The following SOS1 variants were observed in gnomAD, a reference collection of about 807,000 sequenced individuals.
SOS1 encodes the protein SOS Ras/Rac guanine nucleotide exchange factor 1.
Under a neutral mutation model 157.6 loss-of-function variants are expected in SOS1, and 25 were observed. The ratio of observed to expected loss-of-function variants is 0.16; its 90% confidence interval spans 0.12 to 0.22. The LOEUF (loss-of-function observed/expected upper bound fraction) is 0.22. Ranked by LOEUF, SOS1 falls within the 10% of genes least tolerant of loss-of-function variation. The probability of loss-of-function intolerance (pLI) is 1.00; values close to 1 mark genes in which losing one functional copy is unlikely to be tolerated. For missense variants in SOS1, 1,237 were observed against 1,599.1 expected (o/e 0.77, Z 3.86); for synonymous variants, 528 against 534.0 (o/e 0.99, Z 0.16).
intron 21 of SOS1, among the ~76,000 whole-genome samples, chr2:38,988,691 G>GAAAAATA (rs1456393899): frequency 3.9e-5 from 6 of 152,074 alleles, no homozygotes; most frequent in African/African-American, 1.2e-4. Flanking sequence ...TGAAAGGACA[G>GAAAAATA]CAAAAAAATA....
chr2:39,033,373 G>A (rs1670235026), intron 8 of SOS1, among the ~76,000 whole-genome samples: 1 of 152,142 alleles, frequency 6.6e-6, no homozygotes, highest in Non-Finnish European at 1.5e-5. Flanking sequence ...ATTGCTAAAT[G>A]ATGCACTTAT....
chr2:39,035,322 A>C lies in SOS1; in HGVS notation c.976-12T>G, dbSNP rs1383564194. ...CCTTCGCCTATTGACTGGAAAAAAA[A>C]GTGATTTAATTTTTTTTTTAAGTTT... On this transcript the variant is annotated splice_polypyrimidine_tract_variant and intron_variant, in intron 7 of 22. Transcript: ENST00000402219. 6.2e-7 allele frequency: 1 copy of C among 1,611,362 alleles called. No individual in the cohort carries two copies. Among genetic ancestry groups the C allele is most frequent in the South Asian group, 1.1e-5 (1 of 91,008 alleles).
At chr2:38,992,993 T>C (rs910488268) in intron 20 of SOS1, 2 of 151,840 alleles carry the variant, frequency 1.3e-5, no homozygotes, top group African/African-American at 2.4e-5. Context: ...CCCAGCACTT[T>C]GGAAGGTTAA....
At chr2:39,124,413 G>T (rs1430325196), upstream of SOS1, 1 of 152,274 alleles carries the variant, frequency 6.6e-6, no homozygotes, top group Non-Finnish European at 1.5e-5. Flanking sequence ...GCGCGTCCGG[G>T]CGGAATAGGC....
At chr2:39,026,100 T>A (rs1004354517) in intron 8 of SOS1, among the ~76,000 whole-genome samples, 2 of 152,144 alleles carry the variant, frequency 1.3e-5, no homozygotes, top group Non-Finnish European at 2.9e-5. Flanking sequence ...TTCATGCCTG[T>A]AATCCCAGCA....
chr2:39,087,471 T>C (rs529726826), intron 1 of SOS1, among the ~76,000 whole-genome samples: 2 of 152,218 alleles, frequency 1.3e-5, no homozygotes, highest in Non-Finnish European at 2.9e-5. Context: ...ATATTTACAA[T>C]GGCCTGAATA....
chr2:39,077,044 T>C (rs1204695334), intron 1 of SOS1, among the ~76,000 whole-genome samples: 2 of 152,136 alleles, frequency 1.3e-5, no homozygotes, highest in Admixed American at 6.6e-5. Context: ...TTATAAAATG[T>C]GTATAAAACC....
intron 1 of SOS1, among the ~76,000 whole-genome samples, chr2:39,113,036 C>CA (rs543968368): frequency 0.016 from 2,057 of 131,474 alleles, 23 homozygotes; most frequent in Middle Eastern, 0.023. Context: ...GACTCTGTCT[C>CA]AAAAAAAAAA....
chr2:39,096,879 C>T (rs1170503472), intron 1 of SOS1, among the ~76,000 whole-genome samples: 4 of 150,624 alleles, frequency 2.7e-5, no homozygotes, highest in South Asian at 4.2e-4. Flanking sequence ...GAGCGAGACT[C>T]CATCTCAAAA....
intron 1 of SOS1, among the ~76,000 whole-genome samples, chr2:39,098,890 A>G (rs1672868267): frequency 6.6e-6 from 1 of 151,626 alleles, no homozygotes; most frequent in Non-Finnish European, 1.5e-5. Context: ...CCACACCTCA[A>G]AAAAAAAATA....
chr2:39,032,443 A>G lies in SOS1; in HGVS notation c.1074+2769T>C, dbSNP rs529187456. On this transcript the variant is annotated intron_variant, in intron 8 of 22. Coordinates refer to ENST00000402219, the MANE Select transcript of SOS1 (RefSeq NM_005633.4). Reference sequence around the variant, plus strand: ...GTAATTATATAAAATTTACAGTTAAACTTTCTTTAAAATATAAGACATAAG... The same window carrying G: ...GTAATTATATAAAATTTACAGTTAAGCTTTCTTTAAAATATAAGACATAAG... 1.4e-4 allele frequency among the ~76,000 whole-genome samples: 21 copies of G among 152,334 alleles called. 1 individual carries two copies. In the South Asian group the frequency reaches 3.9e-3, roughly 29 times the overall value.
chr2:39,007,135 C>G lies in SOS1; in HGVS notation c.2569G>C (p.Glu857Gln). 1 of 1,605,062 alleles carries G rather than the reference C, an allele frequency of 6.2e-7. No homozygotes were observed. Among genetic ancestry groups the G allele is most frequent in the South Asian group, 1.1e-5 (1 of 90,890 alleles). ...ERVAVVSRII[E>Q]ILQVFQELNN... The stretch of plus-strand genomic sequence containing the variant: ...AACTCTTGAAAGACTTGTAGAATCT[C>G]AATAATTCGACTCACCACAGCTACT... Residue 857 changes from glutamate to glutamine, a missense_variant, in exon 16 of 23, where the codon GAG becomes CAG. Glu to Gln is a conservative substitution (Grantham distance 29, BLOSUM62 2). Transcript: ENST00000402219.
At position 39,019,346 on chromosome 2, in the gene SOS1, C is replaced by T. The variant is rs891412484; in HGVS notation, c.1858+3224G>A. On this transcript the variant is annotated intron_variant, in intron 10 of 22. Transcript: ENST00000402219. The stretch of plus-strand genomic sequence containing the variant: ...TTGTTTTAGGTCTCATTAACTTGTA[C>T]TTTGTTGCCTACAACAACTCTGTAA... Among the ~76,000 whole-genome samples, 10 of 151,874 alleles carry T rather than the reference C, an allele frequency of 6.6e-5. No homozygotes were observed. In the East Asian group the frequency reaches 1.9e-3, roughly 29 times the overall value.
intron 17 of SOS1, among the ~76,000 whole-genome samples, chr2:38,997,683 T>G (rs1373301385): frequency 6.6e-6 from 1 of 151,994 alleles, no homozygotes; most frequent in Non-Finnish European, 1.5e-5. Context: ...TTTTTTATTT[T>G]TTTTAGAAAG....
chr2:39,061,342 A>C (rs1671395015), intron 2 of SOS1, among the ~76,000 whole-genome samples: 1 of 150,718 alleles, frequency 6.6e-6, no homozygotes. Context: ...TTATAATTTT[A>C]TGATAAAATA....
chr2:39,046,375 ATAGTT>A (rs1670783695), intron 6 of SOS1, among the ~76,000 whole-genome samples: 1 of 152,154 alleles, frequency 6.6e-6, no homozygotes, highest in South Asian at 2.1e-4. Context: ...ACATAGAAAT[ATAGTT>A]TAGTCTTTCC....
chr2:38,990,051 A>G (rs956332820), intron 20 of SOS1, among the ~76,000 whole-genome samples: 7 of 151,144 alleles, frequency 4.6e-5, no homozygotes, highest in Non-Finnish European at 7.4e-5. Flanking sequence ...TTCTAAATCA[A>G]TATAGTTGTT....
intron 8 of SOS1, among the ~76,000 whole-genome samples, chr2:39,026,084 C>T (rs113766843): frequency 0.01 from 1,569 of 152,176 alleles, 8 homozygotes; most frequent in Middle Eastern, 0.027. Context: ...AGGCTGGGCA[C>T]GGTGGTTCAT....
At chr2:39,089,541 A>AG (rs1241208124) in intron 1 of SOS1, among the ~76,000 whole-genome samples, 1 of 151,204 alleles carries the variant, frequency 6.6e-6, no homozygotes, top group Admixed American at 6.6e-5. Context: ...AAAAAAAAAA[A>AG]AAAAAAGAAA....
Sources: gnomAD v4.1 joint callset for allele counts (sites outside exome capture counted in the v4.1 genomes callset) on GRCh38, gnomAD v4.1.1 for gene constraint, MANE v1.5 for transcripts, NCBI Gene and HGNC (gene_info 2026-07-23, HGNC 2026-07-21) for gene names.